The following PUM1 variants were observed in gnomAD, a reference collection of about 807,000 sequenced individuals.
The protein encoded by PUM1 is pumilio RNA binding family member 1.
Under a neutral mutation model 131.8 loss-of-function variants are expected in PUM1, and 13 were observed. The ratio of observed to expected loss-of-function variants is 0.10; its 90% CI spans 0.06 to 0.16. The LOEUF (loss-of-function observed/expected upper bound fraction) is 0.16. Ranked by LOEUF, PUM1 falls within the 10% of genes least tolerant of loss-of-function variation. PUM1 has a pLI of 1.00. For synonymous variants in PUM1, 509 were observed against 556.5 expected, an observed-to-expected ratio of 0.91 and a Z score of 1.20; for missense variants, 961 against 1,512.4, an observed-to-expected ratio of 0.64 and a Z score of 6.05.
At chr1:30,933,484 A>ACCC in intron 21 of PUM1, 142 bp from the exon 22 acceptor site, 1 of 712,342 alleles carries the variant, frequency 1.4e-6, no homozygotes, top group Non-Finnish European at 2.2e-6. Context: ...ACACACACAC[A>ACCC]CCCCTACAGC....
chr1:31,009,782 A>AAAAAAAAAAAAAAAAAAC lies in PUM1; in HGVS notation c.433-2681_433-2680insGTTTTTTTTTTTTTTTTT, dbSNP rs375044466. Among the ~76,000 whole-genome samples, 16 of 125,366 alleles carry AAAAAAAAAAAAAAAAAAC rather than the reference A, an allele frequency of 1.3e-4. 1 individual carries two copies. Among genetic ancestry groups the AAAAAAAAAAAAAAAAAAC allele is most frequent in the African/African-American group, 4.9e-4 (15 of 30,372 alleles). The allele number at this position is 125,366 out of a possible 152,430, so 82.2% of individuals were successfully genotyped here. ...GACTCTGTCTCAAAAAAAAAAAAAA[A>AAAAAAAAAAAAAAAAAAC]AAAAACAAAAACAGAAACAAAAAAA... is the stretch of plus-strand genomic sequence containing the variant. On this transcript the variant is annotated intron_variant, in intron 3 of 21. Transcript: ENST00000426105.
intron 3 of PUM1, among the ~76,000 whole-genome samples, chr1:31,014,744 G>A (rs574243587): frequency 1.5e-4 from 23 of 151,138 alleles, no homozygotes; most frequent in Non-Finnish European, 2.9e-4. Flanking sequence ...AGCCAAGATC[G>A]CACCACTGCA....
At chr1:30,961,606 G>A (rs1194245884) in intron 14 of PUM1, among the ~76,000 whole-genome samples, 1 of 152,036 alleles carries the variant, frequency 6.6e-6, no homozygotes, top group African/African-American at 2.4e-5. Flanking sequence ...GAAAAACCAT[G>A]CCACTCAATA....
chr1:31,054,535 T>TA (rs555867693), intron 2 of PUM1, among the ~76,000 whole-genome samples: 8,963 of 82,968 alleles, frequency 0.11, 471 homozygotes, highest in East Asian at 0.28. Context: ...AAAGGGCCAC[T>TA]AAAAAAAAAA....
chr1:31,064,596 T>C (rs1233733732), intron 1 of PUM1, among the ~76,000 whole-genome samples: 2 of 152,154 alleles, frequency 1.3e-5, no homozygotes, highest in Admixed American at 1.3e-4. Flanking sequence ...CTTCATAAAA[T>C]CTTATTCTTA....
intron 14 of PUM1, among the ~76,000 whole-genome samples, chr1:30,959,072 C>A (rs1640296297): frequency 6.6e-6 from 1 of 152,124 alleles, no homozygotes; most frequent in Non-Finnish European, 1.5e-5. Context: ...AAAACTGACT[C>A]AAGAAGAAAT....
chr1:31,032,914 T>TG (rs1643481967), intron 2 of PUM1, among the ~76,000 whole-genome samples: 1 of 152,148 alleles, frequency 6.6e-6, no homozygotes, highest in African/African-American at 2.4e-5. Context: ...AAGACCAGCC[T>TG]GGCCAACATG....
At chr1:31,009,782 A>AAAAAAAAAAAAAAAAAAAC (rs375044466) in intron 3 of PUM1, among the ~76,000 whole-genome samples, 24 of 125,366 alleles carry the variant, frequency 1.9e-4, no homozygotes, top group African/African-American at 7.9e-4. Flanking sequence ...AAAAAAAAAA[A>AAAAAAAAAAAAAAAAAAAC]AAAAACAAAA....
chr1:31,012,545 T>G (rs1029818107), intron 3 of PUM1, among the ~76,000 whole-genome samples: 2 of 78,644 alleles, frequency 2.5e-5, no homozygotes, highest in African/African-American at 5.2e-5. Context: ...AAAAAACTTA[T>G]GAAAAGTAAA....
At chr1:30,954,216 T>G (rs1036221166) in intron 14 of PUM1, among the ~76,000 whole-genome samples, 12 of 152,214 alleles carry the variant, frequency 7.9e-5, no homozygotes, top group African/African-American at 1.4e-4. Context: ...GATGGTAGAC[T>G]GCTAGTAAGG....
intron 2 of PUM1, among the ~76,000 whole-genome samples, chr1:31,032,572 A>T (rs63374960): frequency 0.013 from 26 of 2,058 alleles, no homozygotes; most frequent in Non-Finnish European, 0.035. Context: ...TCTTTTTTTT[A>T]AAAAAAAAAA....
At chr1:30,941,804 G>T in intron 19 of PUM1, 194 bp downstream of exon 19, 1 of 535,320 alleles carries the variant, frequency 1.9e-6, no homozygotes, top group Non-Finnish European at 3.4e-6. Context: ...CCTGACTCCA[G>T]GGCTAGGGCT....
intron 10 of PUM1, among the ~76,000 whole-genome samples, chr1:30,971,773 C>T (rs1008648845): frequency 6.6e-6 from 1 of 152,150 alleles, no homozygotes; most frequent in Non-Finnish European, 1.5e-5. Flanking sequence ...ATTACATGTA[C>T]AGCACTTAAC....
At chr1:31,048,097 G>A (rs1644012653) in intron 2 of PUM1, among the ~76,000 whole-genome samples, 1 of 151,688 alleles carries the variant, frequency 6.6e-6, no homozygotes, top group Non-Finnish European at 1.5e-5. Flanking sequence ...AAATTAGCTG[G>A]GCTTGGTGGC....
At chr1:31,056,793 ATTT>A (rs1193726884) in intron 2 of PUM1, among the ~76,000 whole-genome samples, 1 of 150,842 alleles carries the variant, frequency 6.6e-6, no homozygotes, top group African/African-American at 2.4e-5. Flanking sequence ...CGCCCAGCTA[ATTT>A]TTTACTTTAT....
intron 10 of PUM1, among the ~76,000 whole-genome samples, chr1:30,969,610 C>T (rs544485055): frequency 1.3e-5 from 2 of 152,174 alleles, no homozygotes; most frequent in East Asian, 1.9e-4. Flanking sequence ...TGCAGAATAC[C>T]AGTTATGCCA....
At chr1:31,001,011 C>A (rs1642190576) in intron 5 of PUM1, among the ~76,000 whole-genome samples, 1 of 151,964 alleles carries the variant, frequency 6.6e-6, no homozygotes, top group South Asian at 2.1e-4. Context: ...ACAGTGAAAC[C>A]CCATCTCTAC....
chr1:30,981,319 C>T lies in PUM1; in HGVS notation c.1245G>A (p.Pro415=), dbSNP rs372268520. The part of the protein sequence containing the change: ...QQYALAAAHQ[P]HIGLAPAAFV... Reference sequence around the variant, plus strand: ...ATGGGCTTAAGGACTTACCGATGTGCGGCTGATGAGCAGCTGCCAGTGCAT... The same window carrying T: ...ATGGGCTTAAGGACTTACCGATGTGTGGCTGATGAGCAGCTGCCAGTGCAT... The change falls in exon 8 of 22, where the codon CCG becomes CCA. Residue 415 remains proline (P), a synonymous_variant. Coordinates refer to ENST00000426105, the MANE Select transcript of PUM1 (RefSeq NM_001020658.2). 2.3e-5 allele frequency: 37 copies of T among 1,590,244 alleles called. No homozygotes were observed. Among genetic ancestry groups the T allele is most frequent in the African/African-American group, 8.1e-5 (6 of 74,382 alleles).
At chr1:31,018,738 A>G (rs1179422248) in intron 3 of PUM1, among the ~76,000 whole-genome samples, 1 of 152,198 alleles carries the variant, frequency 6.6e-6, no homozygotes, top group Non-Finnish European at 1.5e-5. Flanking sequence ...TCAAGAATGA[A>G]TTCACTAAGT....
Sources: gnomAD v4.1 joint callset for allele counts (sites outside exome capture counted in the v4.1 genomes callset) on GRCh38, gnomAD v4.1.1 for gene constraint, MANE v1.5 for transcripts, NCBI Gene and HGNC (gene_info 2026-07-23, HGNC 2026-07-21) for gene names.